CCAR1: variants seen among roughly 807,000 people sequenced by gnomAD.
The protein encoded by CCAR1 is cell division cycle and apoptosis regulator 1.
Under a neutral mutation model 163.8 loss-of-function variants are expected in CCAR1, and 78 were observed. The observed-to-expected ratio is 0.48, with a 90% CI of 0.40 to 0.57. CCAR1 has a LOEUF of 0.57. CCAR1 is among the 20% of genes least tolerant of loss of function. CCAR1 has a pLI of 0.00. For synonymous variants in CCAR1, 443 were observed against 460.7 expected, an observed-to-expected ratio of 0.96 and a Z score of 0.49; for missense variants, 1,019 against 1,365.2, an observed-to-expected ratio of 0.75 and a Z score of 4.00.
chr10:68,767,446 T>C (rs1212557100), intron 17 of CCAR1, among the ~76,000 whole-genome samples: 1 of 152,006 alleles, frequency 6.6e-6, no homozygotes, highest in Non-Finnish European at 1.5e-5. Context: ...TTTTTGTATT[T>C]TTAGTAGGGA....
chr10:68,752,635 C>G (rs2056346371), intron 10 of CCAR1, among the ~76,000 whole-genome samples: 1 of 152,146 alleles, frequency 6.6e-6, no homozygotes, highest in African/African-American at 2.4e-5. Flanking sequence ...CTTTAGGAGG[C>G]TGAGGTGGAA....
chr10:68,781,556 T>C (rs1019549188), intron 19 of CCAR1, among the ~76,000 whole-genome samples: 1 of 148,366 alleles, frequency 6.7e-6, no homozygotes, highest in Non-Finnish European at 1.5e-5. Flanking sequence ...AAAAAGAAAT[T>C]AGGCCAATTA....
chr10:68,761,880 G>A lies in CCAR1; in HGVS notation c.2106+688G>A, dbSNP rs149098379. 2.3e-3 allele frequency among the ~76,000 whole-genome samples: 351 copies of A among 152,220 alleles called. 3 individuals carry two copies. Among genetic ancestry groups the A allele is most frequent in the African/African-American group, 7.9e-3 (327 of 41,530 alleles). On this transcript the variant is annotated intron_variant, in intron 16 of 24. Coordinates refer to ENST00000265872, the MANE Select transcript of CCAR1 (RefSeq NM_018237.4). ...GCCTCTCAAAGTGCTGAGGTTACAG[G>A]CGTGAGCCACTGTGCCCGGCCATGC...
intron 19 of CCAR1, among the ~76,000 whole-genome samples, chr10:68,783,453 G>A (rs940270855): frequency 5.9e-5 from 9 of 152,064 alleles, no homozygotes; most frequent in African/African-American, 1.9e-4. Context: ...GATTACAGGC[G>A]TGAGCCACCG....
chr10:68,758,621 A>G lies in CCAR1; in HGVS notation c.1920+1244A>G, dbSNP rs1363929683. ...CACATATATATACGTGTGTGTATATATATATATATGTATATATACACACGT... is the reference window on the plus strand; with the variant it reads ...CACATATATATACGTGTGTGTATATGTATATATATGTATATATACACACGT... On this transcript the variant is annotated intron_variant, in intron 15 of 24. Transcript: ENST00000265872. 5.7e-5 allele frequency among the ~76,000 whole-genome samples: 5 copies of G among 87,902 alleles called. 1 individual carries two copies. Among genetic ancestry groups the G allele is most frequent in the Non-Finnish European group, 8.0e-5 (3 of 37,688 alleles). 57.7% of individuals were successfully genotyped at this position (87,902 alleles called of 152,430 possible).
intron 2 of CCAR1, among the ~76,000 whole-genome samples, chr10:68,729,861 TG>T (rs1466352622): frequency 3.3e-5 from 5 of 152,122 alleles, no homozygotes; most frequent in African/African-American, 4.8e-5. Context: ...TAGGCTCCTG[TG>T]TGCACCAACA....
chr10:68,777,367 C>G (rs1347943483), intron 19 of CCAR1, among the ~76,000 whole-genome samples: 1 of 152,094 alleles, frequency 6.6e-6, no homozygotes, highest in Non-Finnish European at 1.5e-5. Context: ...GTATCCCCAT[C>G]ATTTTTACTT....
At chr10:68,748,193 T>C (rs1048487553) in intron 8 of CCAR1, among the ~76,000 whole-genome samples, 5 of 152,050 alleles carry the variant, frequency 3.3e-5, no homozygotes. Context: ...AAATGATGCA[T>C]AGGGCCAGGC....
chr10:68,743,329 C>T (rs1023362194), intron 6 of CCAR1, among the ~76,000 whole-genome samples: 3 of 150,826 alleles, frequency 2.0e-5, no homozygotes, highest in African/African-American at 7.3e-5. Flanking sequence ...CCATGCCTGG[C>T]TAATTTTTGT....
intron 2 of CCAR1, among the ~76,000 whole-genome samples, chr10:68,730,754 C>A (rs1265722233): frequency 2.0e-5 from 3 of 152,130 alleles, no homozygotes; most frequent in Non-Finnish European, 4.4e-5. Flanking sequence ...TACAGTGGTG[C>A]AGTCACGCTC....
At chr10:68,764,484 A>C (rs1049484160) in intron 16 of CCAR1, among the ~76,000 whole-genome samples, 1 of 152,004 alleles carries the variant, frequency 6.6e-6, no homozygotes, top group African/African-American at 2.4e-5. Context: ...TTTGTGAGCT[A>C]TGATCACACC....
At chr10:68,789,633 G>A (rs2133442178) in intron 23 of CCAR1, 77 bp from the exon 24 acceptor site, 2 of 847,058 alleles carry the variant, frequency 2.4e-6, no homozygotes, top group Admixed American at 6.0e-5. Context: ...TATTTTCACA[G>A]CTTAAATATT....
intron 19 of CCAR1, among the ~76,000 whole-genome samples, chr10:68,781,814 G>A (rs2056739601): frequency 6.7e-6 from 1 of 149,342 alleles, no homozygotes; most frequent in South Asian, 2.2e-4. Context: ...TTGTGCCACT[G>A]TACTCCAGCC....
At chr10:68,724,477 C>T (rs888929802) in intron 2 of CCAR1, among the ~76,000 whole-genome samples, 3 of 151,988 alleles carry the variant, frequency 2.0e-5, no homozygotes, top group African/African-American at 4.8e-5. Flanking sequence ...AAAATTGAGT[C>T]GGAGGTCTCA....
At chr10:68,754,625 A>G in intron 11 of CCAR1, 89 bp from the exon 12 acceptor site, 2 of 667,274 alleles carry the variant, frequency 3.0e-6, no homozygotes, top group Non-Finnish European at 5.2e-6. Flanking sequence ...AATTTCAGAC[A>G]TCTTATATTT....
At chr10:68,747,674 T>G (rs1254941564) in intron 8 of CCAR1, 108 bp downstream of exon 8, 4 of 996,508 alleles carry the variant, frequency 4.0e-6, no homozygotes, top group Non-Finnish European at 4.5e-6. Flanking sequence ...ACTTGAAGCC[T>G]AAAAATCCTG....
intron 1 of CCAR1, chr10:68,721,576 C>A (rs2055857634): frequency 4.4e-6 from 2 of 450,062 alleles, no homozygotes; most frequent in African/African-American, 2.1e-5. Flanking sequence ...GCTCCCGAGC[C>A]GCTGCGGTTT....
chr10:68,740,419 C>T (rs576041424), intron 4 of CCAR1, among the ~76,000 whole-genome samples: 8 of 152,128 alleles, frequency 5.3e-5, no homozygotes, highest in African/African-American at 1.9e-4. Flanking sequence ...GTCTGCAATA[C>T]TGTCACTTTG....
rs756682217 is a variant in CCAR1 at position 68,737,003 on chromosome 10, T to A, written c.201T>A (p.Ala67=). ...CAAACTATCAGTTAACACAAACTGC[T>A]GCATTGCAGCAACAAGCCGCAGCTG... ...TPANYQLTQT[A]ALQQQAAAAA... The change falls in exon 3 of 25, where the codon GCT becomes GCA. Residue 67 remains alanine, a synonymous_variant. Coordinates refer to ENST00000265872, the MANE Select transcript of CCAR1 (RefSeq NM_018237.4). The A allele has an allele frequency of 6.2e-7, 1 of 1,613,820 alleles. No individual in the cohort carries two copies. Among genetic ancestry groups the A allele is most frequent in the Non-Finnish European group, 8.5e-7 (1 of 1,179,842 alleles).
Sources: gnomAD v4.1 joint callset for allele counts (sites outside exome capture counted in the v4.1 genomes callset) on GRCh38, gnomAD v4.1.1 for gene constraint, MANE v1.5 for transcripts, NCBI Gene and HGNC (gene_info 2026-07-23, HGNC 2026-07-21) for gene names.